The following CMSS1 variants were observed in gnomAD, a reference collection of about 807,000 sequenced individuals.
The protein encoded by CMSS1 is cms1 ribosomal small subunit homolog.
CMSS1 carries 33 observed loss-of-function variants against 43.5 expected under a neutral mutation model. The ratio of observed to expected loss-of-function variants is 0.76; its 90% CI spans 0.57 to 1.01. The LOEUF is 1.01. Ranked by LOEUF, CMSS1 falls within the 50% of genes least tolerant of loss-of-function variation. CMSS1 has a pLI of 0.00. For synonymous variants in CMSS1, 115 were observed against 117.2 expected (o/e 0.98, Z 0.12); for missense variants, 313 against 326.4 (o/e 0.96, Z 0.32).
intron 1 of CMSS1, among the ~76,000 whole-genome samples, chr3:100,079,875 A>C (rs1356150514): frequency 6.6e-6 from 1 of 152,204 alleles, no homozygotes; most frequent in East Asian, 1.9e-4. Flanking sequence ...ACATAAAATA[A>C]ACATAGATGT....
chr3:100,155,775 A>G (rs1281220574), intron 2 of CMSS1, among the ~76,000 whole-genome samples: 2 of 152,242 alleles, frequency 1.3e-5, no homozygotes, highest in Admixed American at 6.5e-5. Flanking sequence ...TGGGTATAAA[A>G]GTTTAATTTG....
chr3:99,891,005 T>A (rs1432441505), intron 1 of CMSS1, among the ~76,000 whole-genome samples: 1 of 152,166 alleles, frequency 6.6e-6, no homozygotes, highest in Non-Finnish European at 1.5e-5. Flanking sequence ...AAAATCTTTT[T>A]AAACTGAATT....
At chr3:99,984,709 T>G (rs1026637986) in intron 1 of CMSS1, among the ~76,000 whole-genome samples, 5 of 152,152 alleles carry the variant, frequency 3.3e-5, no homozygotes, top group Admixed American at 1.3e-4. Context: ...AATCCTAGCA[T>G]GTAGGAAGAT....
intron 1 of CMSS1, among the ~76,000 whole-genome samples, chr3:100,051,773 G>C (rs186192372): frequency 6.6e-6 from 1 of 150,696 alleles, no homozygotes; most frequent in African/African-American, 2.4e-5. Context: ...CATTTGGCTT[G>C]GTTCCAAGTC....
intron 1 of CMSS1, among the ~76,000 whole-genome samples, chr3:99,819,786 C>A (rs1284108114): frequency 1.3e-5 from 2 of 150,302 alleles, no homozygotes; most frequent in Admixed American, 1.3e-4. Context: ...ACGGAGTCTC[C>A]CTCTGTCGCC....
intron 1 of CMSS1, among the ~76,000 whole-genome samples, chr3:100,051,671 A>G (rs1057244175): frequency 2.6e-5 from 4 of 151,580 alleles, no homozygotes; most frequent in South Asian, 2.1e-4. Context: ...CCATGTCCCT[A>G]CAAAGGACAT....
intron 1 of CMSS1, among the ~76,000 whole-genome samples, chr3:99,892,701 C>G (rs1706122390): frequency 6.6e-6 from 1 of 152,182 alleles, no homozygotes; most frequent in Non-Finnish European, 1.5e-5. Flanking sequence ...TTTCCCATAA[C>G]TCTCCCCCAA....
intron 1 of CMSS1, among the ~76,000 whole-genome samples, chr3:100,086,830 C>G (rs548995171): frequency 6.6e-6 from 1 of 152,260 alleles, no homozygotes; most frequent in South Asian, 2.1e-4. Flanking sequence ...TTCCATCACC[C>G]CCAGAAATCC....
chr3:100,106,034 A>G (rs1046820892), intron 1 of CMSS1, among the ~76,000 whole-genome samples: 1 of 152,120 alleles, frequency 6.6e-6, no homozygotes, highest in African/African-American at 2.4e-5. Flanking sequence ...CAGACAGATT[A>G]TACCTCCTAG....
intron 1 of CMSS1, among the ~76,000 whole-genome samples, chr3:99,896,864 T>G (rs1346231445): frequency 6.6e-6 from 1 of 152,176 alleles, no homozygotes; most frequent in East Asian, 1.9e-4. Flanking sequence ...AAAAATAATT[T>G]TCATAACAAA....
chr3:99,833,083 C>CT (rs939480764), intron 1 of CMSS1: 2 of 685,268 alleles, frequency 2.9e-6, no homozygotes, highest in Non-Finnish European at 5.2e-6. Context: ...TTGGAGGCTC[C>CT]TGGGTTTCAT....
intron 1 of CMSS1, among the ~76,000 whole-genome samples, chr3:100,049,996 T>C (rs1045401638): frequency 7.9e-5 from 12 of 152,188 alleles, no homozygotes; most frequent in African/African-American, 2.7e-4. Context: ...ATATACTGTG[T>C]GGTTCTTTAC....
chr3:99,819,961 G>A (rs1244288245), intron 1 of CMSS1, among the ~76,000 whole-genome samples: 1 of 151,644 alleles, frequency 6.6e-6, no homozygotes, highest in Non-Finnish European at 1.5e-5. Context: ...CACCATGTTG[G>A]CCAGGCTGGT....
At chr3:99,911,281 G>A (rs796274917) in intron 1 of CMSS1, among the ~76,000 whole-genome samples, 3 of 150,112 alleles carry the variant, frequency 2.0e-5, no homozygotes, top group East Asian at 1.9e-4. Flanking sequence ...TGTTTTGCTC[G>A]TAATAGTTTT....
At chr3:99,912,015 T>C (rs1706805177) in intron 1 of CMSS1, among the ~76,000 whole-genome samples, 1 of 152,196 alleles carries the variant, frequency 6.6e-6, no homozygotes, top group South Asian at 2.1e-4. Context: ...CATTAAAAGT[T>C]TTAATTTTTA....
At chr3:100,082,368 T>C (rs2065945701) in intron 1 of CMSS1, among the ~76,000 whole-genome samples, 2 of 152,364 alleles carry the variant, frequency 1.3e-5, no homozygotes, top group South Asian at 2.1e-4. Context: ...AACTCCTCTG[T>C]ACTGCTGGGG....
intron 1 of CMSS1, among the ~76,000 whole-genome samples, chr3:100,086,159 C>A (rs367620424): frequency 6.6e-6 from 1 of 152,172 alleles, no homozygotes; most frequent in African/African-American, 2.4e-5. Context: ...AGAACAGTTG[C>A]GTTTCCTTTC....
At chr3:100,055,244 A>G (rs1007328577) in intron 1 of CMSS1, among the ~76,000 whole-genome samples, 2 of 152,168 alleles carry the variant, frequency 1.3e-5, no homozygotes, top group Non-Finnish European at 2.9e-5. Flanking sequence ...CATCTCAAGC[A>G]CTGAGGATCC....
In CMSS1 at chr3:99,936,415, G is replaced by A. The variant is rs999485528; in HGVS notation, c.64+118372G>A. Among the ~76,000 whole-genome samples, 32 of 125,316 alleles carry A rather than the reference G, an allele frequency of 2.6e-4. No homozygotes were observed. In the East Asian group the frequency reaches 5.6e-3, roughly 22 times the overall value. 82.2% of individuals were successfully genotyped at this position (125,316 alleles called of 152,430 possible). A position where few individuals can be genotyped will look rare whatever the true frequency, so the allele number is the denominator to read the frequency against. ...TTTTGTGACAGCATCTCACACTGTCGCCCAGGCTAGAGTGCAGTGGCACGA... is the reference window on the plus strand; with the variant it reads ...TTTTGTGACAGCATCTCACACTGTCACCCAGGCTAGAGTGCAGTGGCACGA... On this transcript the variant is annotated intron_variant, in intron 1 of 9. Transcript: ENST00000421999.
Sources: allele counts gnomAD v4.1 joint callset (sites outside exome capture counted in the v4.1 genomes callset), GRCh38; gene constraint gnomAD v4.1.1; transcripts MANE v1.5; gene names NCBI Gene and HGNC (gene_info 2026-07-23, HGNC 2026-07-21).